The following CUEDC1 variants were observed in gnomAD, a reference collection of about 807,000 sequenced individuals.
CUEDC1 encodes CUE domain containing 1, also known as CUE domain-containing protein 1.
CUEDC1 carries 30 observed loss-of-function variants against 43.7 expected under a neutral mutation model. The ratio of observed to expected loss-of-function variants is 0.69; its 90% CI spans 0.51 to 0.93. The LOEUF is 0.93. CUEDC1 is among the 40% of genes least tolerant of loss of function. The pLI, the probability that CUEDC1 is intolerant of heterozygous loss-of-function variation, is 0.00. For missense variants in CUEDC1, 486 were observed against 549.0 expected (o/e 0.89, Z 1.15); for synonymous variants, 223 against 223.6 (o/e 1.00, Z 0.02).
At chr17:57,931,853 CT>C (rs372869833) in intron 1 of CUEDC1, among the ~76,000 whole-genome samples, 49 of 152,302 alleles carry the variant, frequency 3.2e-4, no homozygotes, top group African/African-American at 1.1e-3. Context: ...CCTCTTTCTC[CT>C]TTGCAAAAAT....
chr17:57,871,123 G>C (rs548057527), intron 6 of CUEDC1, among the ~76,000 whole-genome samples, 163 bp downstream of exon 6: 325 of 152,344 alleles, frequency 2.1e-3, no homozygotes, highest in African/African-American at 7.5e-3. Context: ...ACTGGATATG[G>C]AGATGGGGGC....
chr17:57,918,580 G>C (rs2074667468), intron 1 of CUEDC1, among the ~76,000 whole-genome samples: 1 of 152,202 alleles, frequency 6.6e-6, no homozygotes, highest in South Asian at 2.1e-4. Flanking sequence ...CTGACACAGG[G>C]ACACCTGTTT....
chr17:57,949,939 C>T (rs2074990740), intron 1 of CUEDC1, among the ~76,000 whole-genome samples: 1 of 152,276 alleles, frequency 6.6e-6, no homozygotes, highest in Admixed American at 6.5e-5. Flanking sequence ...ACTTTCTAGC[C>T]ATGTGATCTT....
intron 3 of CUEDC1, among the ~76,000 whole-genome samples, chr17:57,875,018 T>C (rs1340163984): frequency 6.6e-6 from 1 of 152,102 alleles, no homozygotes; most frequent in Non-Finnish European, 1.5e-5. Flanking sequence ...GGGAATGGTC[T>C]GGAGAGCAGC....
At chr17:57,933,456 C>A (rs916545034) in intron 1 of CUEDC1, among the ~76,000 whole-genome samples, 1 of 152,132 alleles carries the variant, frequency 6.6e-6, no homozygotes, top group Admixed American at 6.6e-5. Context: ...CATGAGCCCC[C>A]CTCCACCCCA....
chr17:57,886,087 G>A (rs1311958568), intron 1 of CUEDC1, among the ~76,000 whole-genome samples: 2 of 152,222 alleles, frequency 1.3e-5, no homozygotes, highest in Non-Finnish European at 2.9e-5. Flanking sequence ...CAGTTAGCAA[G>A]GGATTCCTCC....
At chr17:57,904,530 C>G (rs923131547) in intron 1 of CUEDC1, among the ~76,000 whole-genome samples, 3 of 152,274 alleles carry the variant, frequency 2.0e-5, no homozygotes, top group East Asian at 3.9e-4. Context: ...TTTGAGCAAG[C>G]CTTATAAGCC....
In CUEDC1 at chr17:57,885,841, C is replaced by T. The variant is rs1379920367; in HGVS notation, c.-277G>A. Reference sequence around the variant, plus strand: ...GGCTGGGCGGCCGGTCATCCACACCCCCGGTGCATCCTGGCACCGGTTTCA... The same window carrying T: ...GGCTGGGCGGCCGGTCATCCACACCTCCGGTGCATCCTGGCACCGGTTTCA... On this transcript the variant is annotated 5_prime_UTR_variant, in exon 2 of 11. Transcript: ENST00000577830. The T allele has an allele frequency of 2.2e-5, 7 of 319,138 alleles. No homozygotes were observed. The highest frequency in any genetic ancestry group is 1.5e-4 in the African/African-American group (7 of 45,984). 19.8% of individuals were successfully genotyped at this position (319,138 alleles called of 1,614,324 possible). A position where few individuals can be genotyped will look rare whatever the true frequency, so the allele number is the denominator to read the frequency against.
At chr17:57,867,873 C>A (rs1046792145) in intron 8 of CUEDC1, among the ~76,000 whole-genome samples, 3 of 152,098 alleles carry the variant, frequency 2.0e-5, no homozygotes, top group African/African-American at 7.2e-5. Flanking sequence ...AGTACATAAC[C>A]TCAGACCAAA....
At chr17:57,893,200 G>A (rs1476300899) in intron 1 of CUEDC1, among the ~76,000 whole-genome samples, 3 of 152,248 alleles carry the variant, frequency 2.0e-5, no homozygotes, top group African/African-American at 4.8e-5. Context: ...CTGCTGGGCT[G>A]GGGCAGCTGC....
Position 57,861,971 on chromosome 17 carries a change from G to C in CUEDC1, c.*1318C>G, listed in dbSNP as rs11542443. 1 of 152,218 alleles carries C rather than the reference G, an allele frequency of 6.6e-6. No homozygotes were observed. Among genetic ancestry groups the C allele is most frequent in the Admixed American group, 6.5e-5 (1 of 15,292 alleles). 9.4% of individuals were successfully genotyped at this position (152,218 alleles called of 1,614,324 possible). The stretch of plus-strand genomic sequence containing the variant: ...CCCGGCCCTCCCCAAGCTCGGCGTT[G>C]CGAGTCCGGGCAGGGTGGGCGGGAC... On this transcript the variant is annotated 3_prime_UTR_variant, in exon 11 of 11. Coordinates refer to ENST00000577830, the MANE Select transcript of CUEDC1 (RefSeq NM_001271875.2).
intron 1 of CUEDC1, among the ~76,000 whole-genome samples, chr17:57,939,381 C>A (rs928228806): frequency 1.3e-5 from 2 of 151,542 alleles, no homozygotes; most frequent in East Asian, 3.9e-4. Context: ...CCTCCCACCT[C>A]AGCCTCCCAA....
At chr17:57,864,014 A>AAAAG (rs1568023883) in intron 10 of CUEDC1, among the ~76,000 whole-genome samples, 2 of 151,102 alleles carry the variant, frequency 1.3e-5, no homozygotes, top group African/African-American at 2.4e-5. Context: ...AAAAAAAAAA[A>AAAAG]AAAGAAAGAA....
At chr17:57,875,679 G>A (rs1473409876) in intron 3 of CUEDC1, among the ~76,000 whole-genome samples, 2 of 152,182 alleles carry the variant, frequency 1.3e-5, no homozygotes, top group African/African-American at 2.4e-5. Flanking sequence ...TCAGACAGAT[G>A]GAGGGAAGGA....
At chr17:57,953,999 CAG>C (rs919965207) in intron 1 of CUEDC1, among the ~76,000 whole-genome samples, 1 of 152,218 alleles carries the variant, frequency 6.6e-6, no homozygotes, top group African/African-American at 2.4e-5. Flanking sequence ...CCCCCAACAA[CAG>C]AGAGGACCCA....
chr17:57,872,711 T>C lies in CUEDC1; in HGVS notation c.736A>G (p.Met246Val), dbSNP rs756452456. ...TCGCGGTTCCGTTGCAGCTCCTTCA[T>C]GAACTCCTCGTTCTGCAGGAAAAGC... ...IALFLQNEEFMKELQRNRDFL... is the reference protein window; with the variant it reads ...IALFLQNEEFVKELQRNRDFL... Residue 246 changes from methionine to valine, a missense_variant, in exon 5 of 11, where the codon ATG becomes GTG. By Grantham distance (21) the Met-to-Val change is conservative. Coordinates refer to ENST00000577830, the MANE Select transcript of CUEDC1 (RefSeq NM_001271875.2). 1.9e-6 allele frequency: 3 copies of C among 1,614,208 alleles called. No individual in the cohort carries two copies. The highest frequency in any genetic ancestry group is 2.2e-5 in the East Asian group (1 of 44,880).
intron 1 of CUEDC1, among the ~76,000 whole-genome samples, chr17:57,889,778 C>T (rs2074336122): frequency 6.6e-6 from 1 of 152,194 alleles, no homozygotes; most frequent in African/African-American, 2.4e-5. Context: ...TATAAGGTCT[C>T]AGAGACTCCC....
intron 1 of CUEDC1, among the ~76,000 whole-genome samples, chr17:57,923,156 A>T (rs570814547): frequency 4.3e-3 from 647 of 152,204 alleles, no homozygotes; most frequent in Non-Finnish European, 7.1e-3. Flanking sequence ...ACAATTTCCA[A>T]CTAGCTCCCA....
intron 3 of CUEDC1, among the ~76,000 whole-genome samples, chr17:57,875,971 T>C (rs1597974825): frequency 6.6e-6 from 1 of 151,876 alleles, no homozygotes. Context: ...TGAAGCATGC[T>C]CCCCGGGGTG....
Sources: allele counts gnomAD v4.1 joint callset (sites outside exome capture counted in the v4.1 genomes callset), GRCh38; gene constraint gnomAD v4.1.1; transcripts MANE v1.5; gene names NCBI Gene and HGNC (gene_info 2026-07-23, HGNC 2026-07-21).